SLC9A8: variants seen among roughly 807,000 people sequenced by gnomAD.
The protein encoded by SLC9A8 is sodium/hydrogen exchanger 8.
Under a neutral mutation model 66.6 loss-of-function variants are expected in SLC9A8, and 48 were observed. The ratio of observed to expected loss-of-function variants is 0.72; its 90% CI spans 0.57 to 0.92. The LOEUF is 0.92. Among genes scored for constraint, SLC9A8 ranks in the 40% least tolerant of loss-of-function variants. The probability of loss-of-function intolerance (pLI) is 0.00; values close to 1 mark genes in which losing one functional copy is unlikely to be tolerated. For synonymous variants in SLC9A8, 274 were observed against 282.6 expected (o/e 0.97, Z 0.31); for missense variants, 599 against 747.3 (o/e 0.80, Z 2.31).
chr20:49,877,079 G>A (rs1460321304), intron 11 of SLC9A8, among the ~76,000 whole-genome samples: 1 of 150,896 alleles, frequency 6.6e-6, no homozygotes, highest in East Asian at 1.9e-4. Flanking sequence ...CACAAGGTCA[G>A]GAGTTTGAGA....
Position 49,834,412 on chromosome 20 carries a change from T to C in SLC9A8, c.290-5129T>C, listed in dbSNP as rs1321079649. Among the ~76,000 whole-genome samples, 264 of 44,952 alleles carry C rather than the reference T, an allele frequency of 5.9e-3. 8 individuals are homozygous for C. The highest frequency in any genetic ancestry group is 7.6e-3 in the African/African-American group (67 of 8,868). 29.5% of individuals were successfully genotyped at this position (44,952 alleles called of 152,430 possible). On this transcript the variant is annotated intron_variant, in intron 3 of 15. Coordinates refer to ENST00000361573, the MANE Select transcript of SLC9A8 (RefSeq NM_015266.3). ...TGTATATATATATACTGTGTATATATATATACTGTATATATATACTGTATA... is the reference window on the plus strand; with the variant it reads ...TGTATATATATATACTGTGTATATACATATACTGTATATATATACTGTATA...
chr20:49,845,238 C>T (rs1264051522), intron 5 of SLC9A8, 119 bp downstream of exon 5: 4 of 726,704 alleles, frequency 5.5e-6, no homozygotes, highest in East Asian at 5.3e-5. Flanking sequence ...CTGCTCCTTC[C>T]TGGTTGTGCT....
intron 13 of SLC9A8, 63 bp from the exon 14 acceptor site, chr20:49,883,783 A>G: frequency 1.4e-6 from 2 of 1,385,502 alleles, no homozygotes; most frequent in Non-Finnish European, 2.0e-6. Flanking sequence ...ATTTCCAGGG[A>G]AGCCAGCCCA....
chr20:49,815,085 T>C lies in SLC9A8; in HGVS notation c.104T>C (p.Leu35Pro). 6.2e-7 allele frequency: 1 copy of C among 1,609,098 alleles called. No individual in the cohort carries two copies. The highest frequency in any genetic ancestry group is 8.5e-7 in the Non-Finnish European group (1 of 1,177,938). Residue 35 changes from leucine to proline, a missense_variant, in exon 2 of 16, where the codon CTC becomes CCC. Physicochemically the swap from Leu to Pro is moderately conservative, Grantham distance 98. Around this residue, in one of 2 missense-constraint regions of SLC9A8, gnomAD observed 132 missense variants for 120.9 expected, o/e 1.09. Transcript: ENST00000361573. Reference sequence around the variant, plus strand: ...CTGGTTGTCACGACGAAACTGGTGCTCCCGACCCCTGGCAAGCCCATCCTC... The same window carrying C: ...CTGGTTGTCACGACGAAACTGGTGCCCCCGACCCCTGGCAAGCCCATCCTC... ...TTLVVTTKLVLPTPGKPILPV... is the reference protein window; with the variant it reads ...TTLVVTTKLVPPTPGKPILPV...
intron 7 of SLC9A8, 37 bp from the exon 8 acceptor site, chr20:49,855,401 A>G: frequency 2.5e-6 from 4 of 1,607,632 alleles, no homozygotes; most frequent in Non-Finnish European, 3.4e-6. Context: ...CAAGTGACAC[A>G]CATTACAGAA....
intron 3 of SLC9A8, among the ~76,000 whole-genome samples, chr20:49,828,075 T>A (rs1226543173): frequency 2.0e-5 from 2 of 97,670 alleles, no homozygotes; most frequent in African/African-American, 7.0e-5. Flanking sequence ...AAAAAAAAAT[T>A]TTTTTTTTTT....
chr20:49,856,648 C>G (rs954245323), intron 8 of SLC9A8, among the ~76,000 whole-genome samples: 1 of 152,082 alleles, frequency 6.6e-6, no homozygotes, highest in Non-Finnish European at 1.5e-5. Flanking sequence ...ATGGTGAAAC[C>G]CTGTCTCTAC....
intron 3 of SLC9A8, among the ~76,000 whole-genome samples, chr20:49,836,657 G>A (rs1398637317): frequency 6.6e-6 from 1 of 152,096 alleles, no homozygotes; most frequent in African/African-American, 2.4e-5. Flanking sequence ...TTGAAATACT[G>A]CTGTTAGGAA....
At chr20:49,850,929 T>C in intron 7 of SLC9A8, 85 bp downstream of exon 7, 2 of 883,004 alleles carry the variant, frequency 2.3e-6, no homozygotes, top group Non-Finnish European at 3.5e-6. Context: ...GGTGTGGTAC[T>C]GTTCTATTCT....
At chr20:49,838,910 A>G (rs117587870) in intron 3 of SLC9A8, among the ~76,000 whole-genome samples, 1,745 of 151,162 alleles carry the variant, frequency 0.012, 14 homozygotes, top group Non-Finnish European at 0.016. Flanking sequence ...AGAGTCGTTT[A>G]TCTAGGGAGT....
chr20:49,852,368 C>A (rs1464605811), intron 7 of SLC9A8, among the ~76,000 whole-genome samples: 1 of 152,130 alleles, frequency 6.6e-6, no homozygotes, highest in Non-Finnish European at 1.5e-5. Flanking sequence ...TCAATGTTGA[C>A]AACTTGCTCA....
intron 12 of SLC9A8, among the ~76,000 whole-genome samples, chr20:49,878,890 G>A (rs754914126): frequency 2.6e-5 from 4 of 152,078 alleles, no homozygotes; most frequent in African/African-American, 7.2e-5. Flanking sequence ...GGTGATATGC[G>A]CCTGTAATTC....
chr20:49,821,610 A>G (rs1302823275), intron 2 of SLC9A8, among the ~76,000 whole-genome samples: 1 of 151,980 alleles, frequency 6.6e-6, no homozygotes, highest in Non-Finnish European at 1.5e-5. Context: ...TTGTTTAAAC[A>G]TTTCCTTGAA....
chr20:49,850,136 T>C (rs186007228), intron 6 of SLC9A8, among the ~76,000 whole-genome samples: 19 of 152,330 alleles, frequency 1.2e-4, no homozygotes, highest in African/African-American at 4.1e-4. Flanking sequence ...TGATGCTGAA[T>C]CTCTTCACTC....
intron 3 of SLC9A8, chr20:49,830,751 A>G (rs1035031113): frequency 1.3e-6 from 1 of 757,610 alleles, no homozygotes; most frequent in African/African-American, 1.8e-5. Flanking sequence ...GATTGTAAAC[A>G]TAGTCCAAGG....
At chr20:49,870,470 G>A (rs1009990287) in intron 10 of SLC9A8, among the ~76,000 whole-genome samples, 1 of 152,212 alleles carries the variant, frequency 6.6e-6, no homozygotes, top group Non-Finnish European at 1.5e-5. Context: ...AGGAACTGCA[G>A]GAGCCAGGGG....
chr20:49,829,774 A>G (rs995202951), intron 3 of SLC9A8: 4 of 539,468 alleles, frequency 7.4e-6, no homozygotes, highest in Middle Eastern at 3.1e-4. Context: ...GCTTAATTCC[A>G]GTGAGGAGAG....
intron 5 of SLC9A8, among the ~76,000 whole-genome samples, chr20:49,847,094 C>G (rs2146598370): frequency 6.6e-6 from 1 of 151,662 alleles, no homozygotes; most frequent in Admixed American, 6.6e-5. Flanking sequence ...ATGTTCAGCC[C>G]AGATTTTTTT....
chr20:49,830,054 G>A, intron 3 of SLC9A8: 1 of 699,678 alleles, frequency 1.4e-6, no homozygotes, highest in East Asian at 3.3e-5. Context: ...GACCAGAAGC[G>A]AGCCTGTTAA....
Sources: allele counts gnomAD v4.1 joint callset (sites outside exome capture counted in the v4.1 genomes callset), GRCh38; gene constraint gnomAD v4.1.1; regional missense constraint gnomAD v4.1.1; transcripts MANE v1.5; gene names NCBI Gene and HGNC (gene_info 2026-07-23, HGNC 2026-07-21).